Variants in AFAP1L1 observed in about 807,000 individuals in gnomAD.
AFAP1L1 encodes actin filament-associated protein 1-like 1.
Under a neutral mutation model 99.8 loss-of-function variants are expected in AFAP1L1, and 77 were observed. That is an observed-to-expected ratio of 0.77 (90% CI 0.64 to 0.93). The LOEUF (loss-of-function observed/expected upper bound fraction) is 0.93, where lower values mean the gene tolerates loss of function less well. Ranked by LOEUF, AFAP1L1 falls within the 40% of genes least tolerant of loss-of-function variation. The probability of loss-of-function intolerance (pLI) is 0.00; values close to 1 mark genes in which losing one functional copy is unlikely to be tolerated. For missense variants in AFAP1L1, 893 were observed against 996.8 expected (o/e 0.90, Z 1.40); for synonymous variants, 373 against 395.3 (o/e 0.94, Z 0.67).
chr5:149,320,436 T>A lies in AFAP1L1; in HGVS notation c.1671T>A (p.Tyr557Ter). 1 of 1,614,240 alleles carries A rather than the reference T, an allele frequency of 6.2e-7. No homozygotes were observed. The highest frequency in any genetic ancestry group is 1.3e-5 in the African/African-American group (1 of 75,080). Residue 557 changes from tyrosine to a stop codon, truncating the protein, a stop_gained, in exon 14 of 19, where the codon TAT (tyrosine) becomes TAA (stop). Coordinates refer to ENST00000296721, the MANE Select transcript of AFAP1L1 (RefSeq NM_152406.4). LOFTEE classifies it high-confidence loss of function. The surrounding 1 kb of genome is among the most constrained non-coding windows in gnomAD (Gnocchi z 4.0). ...CQNQWPEPRV[Y>*]DDVPYEKMQD... is the part of the protein sequence containing the mutation. ...ATCAGTGGCCTGAGCCCCGAGTCTA[T>A]GATGATGTTCCTTATGAAAAGATGC...
chr5:149,291,584 A>T (rs1755863749), intron 1 of AFAP1L1, among the ~76,000 whole-genome samples: 1 of 150,214 alleles, frequency 6.7e-6, no homozygotes, highest in South Asian at 2.1e-4. Flanking sequence ...CAGGGTTTGA[A>T]AGTCACAGAA....
Position 149,307,483 on chromosome 5 carries a change from A to AC in AFAP1L1, c.619dup (p.Gln207ProfsTer116). On this transcript the variant is annotated frameshift_variant, in exon 7 of 19. Coordinates refer to ENST00000296721, the MANE Select transcript of AFAP1L1 (RefSeq NM_152406.4). LOFTEE classifies it high-confidence loss of function. ...GAAGGGAAGAGCCCGCAGCCCCGAC[A>AC]CCAGTGGCCCTCAGAGGAGGCCTCC... The AC allele has an allele frequency of 6.2e-7, 1 of 1,614,176 alleles. No individual in the cohort carries two copies. The highest frequency in any genetic ancestry group is 8.5e-7 in the Non-Finnish European group (1 of 1,180,024).
chr5:149,336,319 A>C (rs1757406945), intron 18 of AFAP1L1, among the ~76,000 whole-genome samples: 1 of 152,384 alleles, frequency 6.6e-6, no homozygotes, highest in Middle Eastern at 3.4e-3. Context: ...AATAAAGATT[A>C]TAAACAGTCA....
intron 11 of AFAP1L1, 30 bp from the exon 12 acceptor site, chr5:149,317,699 A>G: frequency 6.2e-7 from 1 of 1,611,202 alleles, no homozygotes; most frequent in Non-Finnish European, 8.5e-7. Context: ...AGGGCAGGCT[A>G]TGGGAACCTC....
At chr5:149,314,651 A>G (rs908942360) in intron 9 of AFAP1L1, among the ~76,000 whole-genome samples, 4 of 152,162 alleles carry the variant, frequency 2.6e-5, no homozygotes, top group Admixed American at 6.5e-5. Flanking sequence ...TTTATTCTTG[A>G]CAGTTCTGTC....
intron 17 of AFAP1L1, among the ~76,000 whole-genome samples, chr5:149,335,083 C>T (rs1757365577): frequency 6.6e-6 from 1 of 152,218 alleles, no homozygotes; most frequent in Non-Finnish European, 1.5e-5. Flanking sequence ...ATGCTTTGTA[C>T]GTAGTGAGGT....
Position 149,307,522 on chromosome 5 carries a change from G to C in AFAP1L1, c.656G>C (p.Arg219Thr). Residue 219 changes from arginine to threonine, a missense_variant, in exon 7 of 19, where the codon AGG becomes ACG. Transcript: ENST00000296721. ...GAGGAGGCCTCCATGCACCTGGTGA[G>C]GGAATGCAGGATATGTGCCTTCCTG... ...PSEEASMHLV[R>T]ECRICAFLLR... 13 of 1,614,146 alleles carry C rather than the reference G, an allele frequency of 8.1e-6. No individual in the cohort carries two copies. The highest frequency in any genetic ancestry group is 1.0e-5 in the Non-Finnish European group (12 of 1,180,026).
At chr5:149,289,615 T>C (rs1052665304) in intron 1 of AFAP1L1, among the ~76,000 whole-genome samples, 1 of 152,198 alleles carries the variant, frequency 6.6e-6, no homozygotes, top group South Asian at 2.1e-4. Flanking sequence ...TGGCCTTCAC[T>C]TGGACTCAGA....
At chr5:149,334,532 A>G (rs759086978) in intron 17 of AFAP1L1, among the ~76,000 whole-genome samples, 4 of 152,236 alleles carry the variant, frequency 2.6e-5, no homozygotes, top group Non-Finnish European at 5.9e-5. Flanking sequence ...ATCTAGTAAG[A>G]TATTAATACT....
intron 1 of AFAP1L1, among the ~76,000 whole-genome samples, chr5:149,273,427 G>A (rs1755201736): frequency 6.6e-6 from 1 of 151,866 alleles, no homozygotes; most frequent in African/African-American, 2.4e-5. Context: ...CCTGTTAAAC[G>A]GAAAGTCAGG....
intron 1 of AFAP1L1, among the ~76,000 whole-genome samples, chr5:149,296,584 T>C (rs1253491832): frequency 3.9e-5 from 6 of 152,144 alleles, no homozygotes; most frequent in African/African-American, 1.2e-4. Flanking sequence ...CGCATGTTTG[T>C]GTGTATGAGA....
chr5:149,333,731 C>A (rs1466290233), intron 17 of AFAP1L1, among the ~76,000 whole-genome samples: 1 of 152,220 alleles, frequency 6.6e-6, no homozygotes, highest in South Asian at 2.1e-4. Flanking sequence ...TGTTAAGCAG[C>A]ATCTCTAGCT....
At chr5:149,332,583 TG>T in intron 16 of AFAP1L1, 111 bp from the exon 17 acceptor site, 1 of 1,164,944 alleles carries the variant, frequency 8.6e-7, no homozygotes, top group Non-Finnish European at 1.2e-6. Flanking sequence ...TAACCAAGAC[TG>T]GGGGCTGGAA....
In AFAP1L1 at chr5:149,329,792, A is replaced by G; in HGVS notation, c.1937A>G (p.Glu646Gly). The part of the protein sequence containing the change: ...IRTELIALRQ[E>G]KRELKEAIRS... The stretch of plus-strand genomic sequence containing the variant: ...ACAGAGCTGATAGCACTGAGACAGG[A>G]GAAGAGGGAACTGAAGGAAGCCATT... The change falls in exon 16 of 19, where the codon GAG becomes GGG. Residue 646 changes from glutamate (E) to glycine (G), a missense_variant. Coordinates refer to ENST00000296721, the MANE Select transcript of AFAP1L1 (RefSeq NM_152406.4). 1 of 1,613,442 alleles carries G rather than the reference A, an allele frequency of 6.2e-7. No individual in the cohort carries two copies. The highest frequency in any genetic ancestry group is 1.1e-5 in the South Asian group (1 of 90,872).
At chr5:149,316,505 C>T (rs902378445) in intron 11 of AFAP1L1, among the ~76,000 whole-genome samples, 1 of 152,060 alleles carries the variant, frequency 6.6e-6, no homozygotes, top group Non-Finnish European at 1.5e-5. Context: ...TGACACTCAA[C>T]GAAAGGAAAA....
intron 1 of AFAP1L1, among the ~76,000 whole-genome samples, chr5:149,291,881 G>A (rs1353658): frequency 0.87 from 133,050 of 152,176 alleles, 58,411 homozygotes; most frequent in Non-Finnish European, 0.91. Context: ...AAAATTGTAG[G>A]CCCTTCATAA....
rs576595289 is a variant in AFAP1L1 at position 149,317,811 on chromosome 5, T to C, written c.1350T>C (p.Asp450=). 13 of 1,613,748 alleles carry C rather than the reference T, an allele frequency of 8.1e-6. No individual in the cohort carries two copies. In the African/African-American group the frequency reaches 1.7e-4, roughly 22 times the overall value. The change falls in exon 12 of 19, where the codon GAT becomes GAC. Residue 450 remains aspartate (D), a synonymous_variant. Coordinates refer to ENST00000296721, the MANE Select transcript of AFAP1L1 (RefSeq NM_152406.4). Reference sequence around the variant, plus strand: ...GCAACACTCTGTATTTCCACAAGGATCACATGGACCTGCGAACCCATGTGA... The same window carrying C: ...GCAACACTCTGTATTTCCACAAGGACCACATGGACCTGCGAACCCATGTGA... ...LKCNTLYFHK[D]HMDLRTHVNA...
At position 149,341,146 on chromosome 5, in the gene AFAP1L1, C is replaced by A. The variant is rs1301454412; in HGVS notation, c.*1116C>A. The A allele has an allele frequency of 2.0e-5, 3 of 152,206 alleles. No homozygotes were observed. The highest frequency in any genetic ancestry group is 7.2e-5 in the African/African-American group (3 of 41,458). The allele number at this position is 152,206 out of a possible 1,614,324, so 9.4% of individuals were successfully genotyped here. A position where few individuals can be genotyped will look rare whatever the true frequency, so the allele number is the denominator to read the frequency against. ...TTTCCTTCCAATAAAGATAAAACCA[C>A]TTAACTCTTAAGTGCCAGTGCTTAG... On this transcript the variant is annotated 3_prime_UTR_variant, in exon 19 of 19. Transcript: ENST00000296721.
At chr5:149,317,698 T>C (rs776865241) in intron 11 of AFAP1L1, 31 bp from the exon 12 acceptor site, 5 of 1,610,406 alleles carry the variant, frequency 3.1e-6, no homozygotes, top group African/African-American at 1.3e-5. Flanking sequence ...CAGGGCAGGC[T>C]ATGGGAACCT....
Sources: allele counts gnomAD v4.1 joint callset (sites outside exome capture counted in the v4.1 genomes callset), GRCh38; gene constraint gnomAD v4.1.1; non-coding constraint Gnocchi (gnomAD v3.1); transcripts MANE v1.5; gene names NCBI Gene and HGNC (gene_info 2026-07-23, HGNC 2026-07-21).